ADK: variants seen among roughly 807,000 people sequenced by gnomAD.
ADK encodes the protein N6,N6-dimethyladenosine kinase.
In ADK, 24 loss-of-function variants were observed where a neutral mutation model predicts 44.7. The observed-to-expected ratio is 0.54, with a 90% CI of 0.39 to 0.76. The LOEUF is 0.76. Ranked by LOEUF, ADK falls within the 30% of genes least tolerant of loss-of-function variation. The pLI, the probability that ADK is intolerant of heterozygous loss-of-function variation, is 0.00. For synonymous variants in ADK, 128 were observed against 142.6 expected (o/e 0.90, Z 0.73); for missense variants, 321 against 425.1 (o/e 0.76, Z 2.15).
At chr10:74,596,376 C>T (rs1351928196) in intron 8 of ADK, among the ~76,000 whole-genome samples, 1 of 152,034 alleles carries the variant, frequency 6.6e-6, no homozygotes, top group Non-Finnish European at 1.5e-5. Flanking sequence ...TTAATGAGTA[C>T]TTTATTTTAT....
At chr10:74,296,699 C>A (rs1839829328) in intron 3 of ADK, among the ~76,000 whole-genome samples, 1 of 151,702 alleles carries the variant, frequency 6.6e-6, no homozygotes, top group African/African-American at 2.4e-5. Flanking sequence ...GCAAGCCCCG[C>A]CTCCCAGGTT....
chr10:74,168,466 G>C (rs1842084902), intron 1 of ADK, among the ~76,000 whole-genome samples: 2 of 149,828 alleles, frequency 1.3e-5, no homozygotes, highest in South Asian at 4.2e-4. Flanking sequence ...ATGAACCCGG[G>C]AGGCGGAGCT....
chr10:74,667,699 A>AT (rs143437964), intron 9 of ADK, among the ~76,000 whole-genome samples: 2 of 150,246 alleles, frequency 1.3e-5, no homozygotes. Context: ...TGCCTGACAA[A>AT]TTTTTTTTTG....
chr10:74,272,757 T>G (rs1846483369), intron 3 of ADK, among the ~76,000 whole-genome samples: 1 of 152,218 alleles, frequency 6.6e-6, no homozygotes, highest in Non-Finnish European at 1.5e-5. Flanking sequence ...TCTCAGTTGT[T>G]CACATGAACT....
Position 74,252,818 on chromosome 10 carries a change from A to G in ADK, c.194+28227A>G, listed in dbSNP as rs1417763560. ...TGGGTGAGGCGGGGTAAGATTTGCAAAAGTTAGGTATTTAATCCATTAAAA... is the reference window on the plus strand; with the variant it reads ...TGGGTGAGGCGGGGTAAGATTTGCAGAAGTTAGGTATTTAATCCATTAAAA... On this transcript the variant is annotated intron_variant, in intron 3 of 10. Coordinates refer to ENST00000539909, the MANE Select transcript of ADK (RefSeq NM_006721.4). 4.6e-5 allele frequency among the ~76,000 whole-genome samples: 7 copies of G among 152,314 alleles called. No homozygotes were observed. The East Asian group carries it at 1.4e-3, about 29-fold the overall frequency.
intron 3 of ADK, among the ~76,000 whole-genome samples, chr10:74,280,757 C>T (rs1468131118): frequency 6.6e-6 from 1 of 152,116 alleles, no homozygotes; most frequent in Non-Finnish European, 1.5e-5. Context: ...AAAATTTTGT[C>T]ACCATTATTT....
chr10:74,414,218 A>T (rs182592106), intron 6 of ADK, among the ~76,000 whole-genome samples: 1 of 152,222 alleles, frequency 6.6e-6, no homozygotes, highest in Non-Finnish European at 1.5e-5. Flanking sequence ...TGTAAAAAAA[A>T]ATAATAAAAA....
At chr10:74,542,452 T>C (rs1226833787) in intron 7 of ADK, among the ~76,000 whole-genome samples, 2 of 152,280 alleles carry the variant, frequency 1.3e-5, no homozygotes, top group East Asian at 3.8e-4. Flanking sequence ...TTTAGCCTTT[T>C]GTGTATATTG....
intron 6 of ADK, among the ~76,000 whole-genome samples, chr10:74,461,876 C>G (rs932236690): frequency 6.6e-6 from 1 of 151,880 alleles, no homozygotes; most frequent in Non-Finnish European, 1.5e-5. Flanking sequence ...ATGTTATGGC[C>G]AGTTAACTAA....
intron 1 of ADK, among the ~76,000 whole-genome samples, chr10:74,197,560 C>T (rs1843205653): frequency 6.6e-6 from 1 of 151,986 alleles, no homozygotes; most frequent in African/African-American, 2.4e-5. Flanking sequence ...ATTAGCCAGG[C>T]GTGGTGGTGG....
At chr10:74,563,277 G>T (rs917755525) in intron 7 of ADK, among the ~76,000 whole-genome samples, 1 of 152,290 alleles carries the variant, frequency 6.6e-6, no homozygotes, top group Middle Eastern at 3.4e-3. Flanking sequence ...CCCTCAAACT[G>T]TTTGTACATG....
chr10:74,173,534 G>A (rs1012522687), intron 1 of ADK, among the ~76,000 whole-genome samples: 2 of 149,270 alleles, frequency 1.3e-5, no homozygotes, highest in East Asian at 2.0e-4. Context: ...AGGTTCAAGT[G>A]ATTCTCCTGC....
At chr10:74,272,684 TA>T (rs1287515960) in intron 3 of ADK, among the ~76,000 whole-genome samples, 2 of 152,240 alleles carry the variant, frequency 1.3e-5, no homozygotes, top group Non-Finnish European at 2.9e-5. Context: ...ATGGATAAAT[TA>T]TAAGACATAT....
chr10:74,522,734 TAACA>T (rs1848887155), intron 6 of ADK, among the ~76,000 whole-genome samples: 1 of 152,182 alleles, frequency 6.6e-6, no homozygotes, highest in Non-Finnish European at 1.5e-5. Context: ...TTGTAACTTT[TAACA>T]GAAGTTTCTT....
intron 9 of ADK, among the ~76,000 whole-genome samples, chr10:74,668,638 A>G (rs1855059470): frequency 6.6e-6 from 1 of 152,236 alleles, no homozygotes; most frequent in South Asian, 2.1e-4. Flanking sequence ...TGGGAGGCTG[A>G]GGCAGGAGAA....
chr10:74,378,936 A>C (rs1433304832), intron 4 of ADK, among the ~76,000 whole-genome samples: 1 of 152,158 alleles, frequency 6.6e-6, no homozygotes, highest in Non-Finnish European at 1.5e-5. Flanking sequence ...TCCCATCTCT[A>C]AAATAAAATA....
At chr10:74,700,756 A>G (rs1437550907) in intron 10 of ADK, among the ~76,000 whole-genome samples, 1 of 152,246 alleles carries the variant, frequency 6.6e-6, no homozygotes, top group African/African-American at 2.4e-5. Context: ...TGAGGAGGAC[A>G]TGGTAAAGAG....
intron 4 of ADK, among the ~76,000 whole-genome samples, chr10:74,348,452 A>C (rs937033845): frequency 1.3e-5 from 2 of 152,160 alleles, no homozygotes; most frequent in African/African-American, 4.8e-5. Context: ...CAAAGATCAA[A>C]GGTAGATAAA....
chr10:74,573,485 C>T (rs555892313), intron 7 of ADK, among the ~76,000 whole-genome samples: 63 of 152,314 alleles, frequency 4.1e-4, no homozygotes, highest in Middle Eastern at 3.4e-3. Context: ...GCAGTCTGCC[C>T]GTTCTCAGAT....
Sources: allele counts gnomAD v4.1 joint callset (sites outside exome capture counted in the v4.1 genomes callset), GRCh38; gene constraint gnomAD v4.1.1; transcripts MANE v1.5; gene names NCBI Gene and HGNC (gene_info 2026-07-23, HGNC 2026-07-21).